PCDH15: variants seen among roughly 807,000 people sequenced by gnomAD.
The protein encoded by PCDH15 is protocadherin related 15, also known as protocadherin-15.
PCDH15 carries 129 observed loss-of-function variants against 178.5 expected under a neutral mutation model. That is an observed-to-expected ratio of 0.72 (90% CI 0.63 to 0.84). PCDH15 has a LOEUF of 0.84. Among genes scored for constraint, PCDH15 ranks in the 40% least tolerant of loss-of-function variants. The probability of loss-of-function intolerance (pLI) is 0.00; values close to 1 mark genes in which losing one functional copy is unlikely to be tolerated. For missense variants in PCDH15, 2,230 were observed against 2,099.9 expected (o/e 1.06, Z -1.21); for synonymous variants, 800 against 732.0 (o/e 1.09, Z -1.50).
chr10:54,583,340 T>C (rs149248479), intron 2 of PCDH15, among the ~76,000 whole-genome samples: 172 of 152,254 alleles, frequency 1.1e-3, no homozygotes, highest in African/African-American at 4.0e-3. Context: ...TTTATTTACT[T>C]GTGCTACTTG....
intron 2 of PCDH15, among the ~76,000 whole-genome samples, chr10:55,369,036 C>G (rs1484414270): frequency 1.4e-5 from 2 of 144,744 alleles, no homozygotes; most frequent in Non-Finnish European, 3.1e-5. Flanking sequence ...AAAAAAAACC[C>G]CAGCAAGAAC....
chr10:54,887,511 C>A (rs1473624494), intron 3 of PCDH15, among the ~76,000 whole-genome samples: 2 of 151,756 alleles, frequency 1.3e-5, no homozygotes, highest in African/African-American at 2.4e-5. Flanking sequence ...TTGTCAACAT[C>A]ATTTTAACAA....
At chr10:55,587,721 A>G (rs1842753433) in intron 2 of PCDH15, among the ~76,000 whole-genome samples, 1 of 152,190 alleles carries the variant, frequency 6.6e-6, no homozygotes, top group Non-Finnish European at 1.5e-5. Flanking sequence ...AGATCCATCT[A>G]CTTTGAAAAG....
chr10:55,446,106 A>G (rs566535775), intron 2 of PCDH15, among the ~76,000 whole-genome samples: 1 of 152,230 alleles, frequency 6.6e-6, no homozygotes, highest in Non-Finnish European at 1.5e-5. Context: ...GGGAGTTTCT[A>G]AATAACTTTT....
chr10:55,152,803 T>C (rs1838768837), intron 2 of PCDH15, among the ~76,000 whole-genome samples: 1 of 152,144 alleles, frequency 6.6e-6, no homozygotes. Context: ...ATAATTGTAA[T>C]ATTTTAACTT....
At chr10:55,530,023 C>T (rs919916734) in intron 2 of PCDH15, among the ~76,000 whole-genome samples, 3 of 151,420 alleles carry the variant, frequency 2.0e-5, no homozygotes, top group African/African-American at 7.3e-5. Flanking sequence ...AGGAGTATAA[C>T]AAGTGAAGTC....
chr10:55,249,546 T>G (rs1841779229), intron 1 of PCDH15, among the ~76,000 whole-genome samples: 1 of 151,970 alleles, frequency 6.6e-6, no homozygotes, highest in Non-Finnish European at 1.5e-5. Flanking sequence ...AAAGACCCAG[T>G]AAAAAAGGGA....
intron 18 of PCDH15, among the ~76,000 whole-genome samples, chr10:54,031,906 A>G (rs2093305613): frequency 1.3e-5 from 2 of 152,134 alleles, no homozygotes; most frequent in South Asian, 4.1e-4. Context: ...AATATTCCTT[A>G]TAGTGCTGAA....
chr10:54,887,568 G>C (rs1411512371), intron 3 of PCDH15, among the ~76,000 whole-genome samples: 1 of 151,596 alleles, frequency 6.6e-6, no homozygotes, highest in East Asian at 1.9e-4. Context: ...TATAAAACCA[G>C]GTCAAAAGAG....
chr10:54,683,872 C>G (rs2055385010), intron 1 of PCDH15, among the ~76,000 whole-genome samples: 2 of 151,986 alleles, frequency 1.3e-5, no homozygotes, highest in South Asian at 4.1e-4. Flanking sequence ...CTCAGTTTTT[C>G]CTTTGCAAAA....
intron 13 of PCDH15, among the ~76,000 whole-genome samples, chr10:54,178,364 G>A (rs908115582): frequency 9.2e-5 from 14 of 152,022 alleles, no homozygotes; most frequent in African/African-American, 3.1e-4. Context: ...CATTTTTGTC[G>A]ATAAGGAAAA....
chr10:54,682,739 A>G (rs115465839), intron 1 of PCDH15, among the ~76,000 whole-genome samples: 274 of 152,210 alleles, frequency 1.8e-3, no homozygotes, highest in African/African-American at 6.2e-3. Context: ...ATAGCTACCC[A>G]TGTGTGTGTG....
At chr10:54,823,238 C>T (rs1257329082) in intron 3 of PCDH15, among the ~76,000 whole-genome samples, 48 of 151,918 alleles carry the variant, frequency 3.2e-4, no homozygotes, top group Non-Finnish European at 1.9e-4. Flanking sequence ...CACACGCACA[C>T]GCACACGCAT....
chr10:54,747,863 T>C (rs563900144), intron 1 of PCDH15, among the ~76,000 whole-genome samples: 52 of 148,410 alleles, frequency 3.5e-4, no homozygotes, highest in East Asian at 1.0e-3. Context: ...TGGAGTGCAG[T>C]GGCGTGATCT....
At chr10:54,970,507 A>G (rs894562960) in intron 2 of PCDH15, among the ~76,000 whole-genome samples, 1 of 152,300 alleles carries the variant, frequency 6.6e-6, no homozygotes, top group African/African-American at 2.4e-5. Flanking sequence ...ATAAAGTCTC[A>G]GGTGAAAATG....
chr10:55,113,697 A>C (rs1018630868), intron 2 of PCDH15, among the ~76,000 whole-genome samples: 1 of 152,160 alleles, frequency 6.6e-6, no homozygotes, highest in African/African-American at 2.4e-5. Context: ...TTCATCAGGT[A>C]TGAAGATCTA....
At chr10:54,867,820 T>C (rs1953966391) in intron 3 of PCDH15, among the ~76,000 whole-genome samples, 1 of 152,160 alleles carries the variant, frequency 6.6e-6, no homozygotes, top group South Asian at 2.1e-4. Flanking sequence ...TCCAATACTT[T>C]GTCCTCTAGC....
At chr10:54,582,758 A>T (rs200053211) in intron 2 of PCDH15, among the ~76,000 whole-genome samples, 2 of 152,158 alleles carry the variant, frequency 1.3e-5, no homozygotes, top group Middle Eastern at 3.4e-3. Context: ...GAAGAAAATT[A>T]AAAAATATAG....
intron 1 of PCDH15, among the ~76,000 whole-genome samples, chr10:54,766,681 G>A (rs1948545107): frequency 6.6e-6 from 1 of 151,996 alleles, no homozygotes; most frequent in Non-Finnish European, 1.5e-5. Flanking sequence ...TGTAATCTGA[G>A]TACTTTGGGA....
Sources: gnomAD v4.1 joint callset for allele counts (sites outside exome capture counted in the v4.1 genomes callset) on GRCh38, gnomAD v4.1.1 for gene constraint, MANE v1.5 for transcripts, NCBI Gene and HGNC (gene_info 2026-07-23, HGNC 2026-07-21) for gene names.